THOC2: variants seen among roughly 807,000 people sequenced by gnomAD.
The protein encoded by THOC2 is THO complex subunit 2.
Under a neutral mutation model 128.4 loss-of-function variants are expected in THOC2, and 10 were observed. The observed-to-expected ratio is 0.08, with a 90% CI of 0.05 to 0.13. The LOEUF (loss-of-function observed/expected upper bound fraction) is 0.13. THOC2 is among the 10% of genes least tolerant of loss of function. The probability of loss-of-function intolerance (pLI) is 1.00; values close to 1 mark genes in which losing one functional copy is unlikely to be tolerated. For synonymous variants in THOC2, 393 were observed against 396.9 expected (o/e 0.99, Z 0.12); for missense variants, 535 against 1,155.7 (o/e 0.46, Z 7.79).
At chrX:123,716,099 G>A (rs1172861545) in intron 1 of THOC2, among the ~76,000 whole-genome samples, 1 of 111,707 alleles carries the variant, frequency 9.0e-6, no homozygotes, top group Non-Finnish European at 1.9e-5. Flanking sequence ...GAATTTAACA[G>A]CACATTAAAA....
chrX:123,625,611 A>G (rs777379074), intron 25 of THOC2, among the ~76,000 whole-genome samples: 2 of 110,331 alleles, frequency 1.8e-5, no homozygotes, highest in South Asian at 7.8e-4. Flanking sequence ...TACTTAGTTA[A>G]TAGTTTAACC....
chrX:123,623,209 G>A lies in THOC2; in HGVS notation c.3578C>T (p.Pro1193Leu), dbSNP rs1248505410. 11 of 1,209,331 alleles carry A rather than the reference G, an allele frequency of 9.1e-6. No individual in the cohort carries two copies. The highest frequency in any genetic ancestry group is 3.5e-5 in the South Asian group (2 of 56,601). Residue 1193 changes from proline to leucine, a missense_variant, in exon 29 of 39, where the codon CCG becomes CTG. Physicochemically the swap from Pro to Leu is moderately conservative, Grantham distance 98. Transcript: ENST00000245838. ...TTGCACACTGGCAACTGCATTCCTC[G>A]GAGGGGGGTCTTTGTGATGAAACTC... is the stretch of plus-strand genomic sequence containing the variant. The part of the protein sequence containing the change: ...ENEFHHKDPP[P>L]RNAVASVQNG...
intron 22 of THOC2, among the ~76,000 whole-genome samples, chrX:123,629,432 C>T (rs985437239): frequency 3.6e-5 from 4 of 110,968 alleles, no homozygotes; most frequent in African/African-American, 1.3e-4. Context: ...TCTATTTGTG[C>T]TAAACACGTA....
chrX:123,694,111 T>C (rs1417781125), intron 7 of THOC2, among the ~76,000 whole-genome samples: 1 of 107,836 alleles, frequency 9.3e-6, no homozygotes, highest in Non-Finnish European at 1.9e-5. Context: ...TAAAAAGGTA[T>C]AAACTCACAA....
intron 3 of THOC2, 125 bp from the exon 4 acceptor site, chrX:123,703,630 G>A (rs1293864912): frequency 5.9e-6 from 2 of 337,525 alleles, no homozygotes; most frequent in Non-Finnish European, 5.1e-6. Context: ...GCTCACACCT[G>A]TAATCCCAGC....
intron 1 of THOC2, among the ~76,000 whole-genome samples, chrX:123,717,080 G>T (rs2051457506): frequency 9.0e-6 from 1 of 111,730 alleles, no homozygotes; most frequent in African/African-American, 3.3e-5. Context: ...AGTACTAAAA[G>T]TCCTTGCCAG....
intron 4 of THOC2, among the ~76,000 whole-genome samples, chrX:123,699,541 T>A (rs949162576): frequency 1.8e-5 from 2 of 111,679 alleles, no homozygotes; most frequent in East Asian, 5.6e-4. Flanking sequence ...CTCCTCAGTC[T>A]AGAACTTTAA....
chrX:123,723,196 A>G (rs1810886276), intron 1 of THOC2, among the ~76,000 whole-genome samples: 1 of 111,709 alleles, frequency 9.0e-6, no homozygotes, highest in Non-Finnish European at 1.9e-5. Flanking sequence ...AAACAAAAAA[A>G]AAGAAGTACT....
intron 1 of THOC2, among the ~76,000 whole-genome samples, chrX:123,716,453 C>T (rs73547906): frequency 0.31 from 33,911 of 109,805 alleles, 3,941 homozygotes; most frequent in East Asian, 0.67. Context: ...GGGCCGGGCA[C>T]GGTGGCTCAC....
At chrX:123,610,838 A>G (rs2046674861) in intron 38 of THOC2, 80 bp downstream of exon 38, 10 of 890,849 alleles carry the variant, frequency 1.1e-5, no homozygotes, top group Non-Finnish European at 1.6e-5. Flanking sequence ...AGCTTGTAAA[A>G]TGCATCTAGT....
In THOC2 at chrX:123,730,508, A is replaced by G. The variant is rs140798882; in HGVS notation, c.71+2444T>C. On this transcript the variant is annotated intron_variant, in intron 1 of 38. Coordinates refer to ENST00000245838, the MANE Select transcript of THOC2 (RefSeq NM_001081550.2). Reference sequence around the variant, plus strand: ...TAACAGTTTTTAAGCAGCTCTTCAAACATAAGAACTATGACAGATAGCATG... The same window carrying G: ...TAACAGTTTTTAAGCAGCTCTTCAAGCATAAGAACTATGACAGATAGCATG... Among the ~76,000 whole-genome samples the G allele has an allele frequency of 5.8e-3, 651 of 112,462 alleles. 1 individual carries two copies. Among genetic ancestry groups the G allele is most frequent in the Non-Finnish European group, 9.2e-3 (493 of 53,304 alleles).
intron 4 of THOC2, among the ~76,000 whole-genome samples, chrX:123,698,495 G>T (rs1000377296): frequency 7.7e-5 from 8 of 103,271 alleles, no homozygotes; most frequent in Non-Finnish European, 1.4e-4. Flanking sequence ...TACTCATGAA[G>T]ATCAAACCCA....
rs754137726 is a variant in THOC2, at chrX:123,613,586, C to T, written c.4520-30G>A. On this transcript the variant is annotated intron_variant, in intron 35 of 38. Coordinates refer to ENST00000245838, the MANE Select transcript of THOC2 (RefSeq NM_001081550.2). ...AATTACAAAAGAAAATCATGAAAGCCTTTTCCAATTCACTTCGATGATATC... is the reference window on the plus strand; with the variant it reads ...AATTACAAAAGAAAATCATGAAAGCTTTTTCCAATTCACTTCGATGATATC... The T allele has an allele frequency of 3.9e-5, 47 of 1,207,120 alleles. No individual in the cohort carries two copies. The Admixed American group carries it at 1.0e-3, about 26-fold the overall frequency.
chrX:123,618,841 T>A (rs2046985313), intron 33 of THOC2, among the ~76,000 whole-genome samples: 1 of 111,626 alleles, frequency 9.0e-6, no homozygotes, highest in Non-Finnish European at 1.9e-5. Flanking sequence ...CACCGAGTAT[T>A]CCTGTCCAGG....
intron 4 of THOC2, among the ~76,000 whole-genome samples, chrX:123,700,525 G>A (rs1301915330): frequency 2.7e-5 from 2 of 74,024 alleles, no homozygotes; most frequent in East Asian, 6.9e-4. Flanking sequence ...GGGGCGGCGG[G>A]GGGGAGGTGG....
intron 22 of THOC2, among the ~76,000 whole-genome samples, chrX:123,630,527 C>T (rs761906153): frequency 9.8e-6 from 1 of 102,078 alleles, no homozygotes; most frequent in Non-Finnish European, 2.0e-5. Context: ...ATAGGAGTAT[C>T]GCTTGAACCC....
chrX:123,608,662 C>T (rs2046580091), intron 38 of THOC2, among the ~76,000 whole-genome samples: 1 of 110,320 alleles, frequency 9.1e-6, no homozygotes, highest in Non-Finnish European at 1.9e-5. Flanking sequence ...CCAGGAGAAT[C>T]ACCTGGAAGG....
intron 12 of THOC2, among the ~76,000 whole-genome samples, chrX:123,652,081 C>T (rs113552297): frequency 6.5e-4 from 72 of 111,564 alleles, no homozygotes; most frequent in African/African-American, 2.1e-3. Context: ...AGTTTATCCA[C>T]CACAATCAAG....
chrX:123,655,064 A>C (rs1467220256), intron 12 of THOC2, among the ~76,000 whole-genome samples: 3 of 111,446 alleles, frequency 2.7e-5, no homozygotes, highest in Non-Finnish European at 5.6e-5. Context: ...ACTACTCAGG[A>C]TTATGTCTCA....
Sources: gnomAD v4.1 joint callset for allele counts (sites outside exome capture counted in the v4.1 genomes callset) on GRCh38, gnomAD v4.1.1 for gene constraint, MANE v1.5 for transcripts, NCBI Gene and HGNC (gene_info 2026-07-23, HGNC 2026-07-21) for gene names.